Variants in RTN4IP1 observed in about 807,000 individuals in gnomAD.
RTN4IP1 encodes the protein NAD(P)H oxidoreductase RTN4IP1, mitochondrial.
Under a neutral mutation model 46.6 loss-of-function variants are expected in RTN4IP1, and 32 were observed. The ratio of observed to expected loss-of-function variants is 0.69; its 90% CI spans 0.52 to 0.92. The LOEUF (loss-of-function observed/expected upper bound fraction) is 0.92. RTN4IP1 is among the 40% of genes least tolerant of loss of function. RTN4IP1 has a pLI of 0.00. For synonymous variants in RTN4IP1, 167 were observed against 161.8 expected (o/e 1.03, Z -0.24); for missense variants, 424 against 485.8 (o/e 0.87, Z 1.20).
At chr6:106,592,425 T>A (rs1775686269) in intron 5 of RTN4IP1, 125 bp from the exon 6 acceptor site, 3 of 959,580 alleles carry the variant, frequency 3.1e-6, no homozygotes, top group Admixed American at 2.9e-5. Flanking sequence ...GAACTTTAAG[T>A]ACGTCATCTT....
At chr6:106,610,084 C>T (rs919265763) in intron 4 of RTN4IP1, among the ~76,000 whole-genome samples, 6 of 151,542 alleles carry the variant, frequency 4.0e-5, no homozygotes, top group South Asian at 2.1e-4. Context: ...TTTTTTGAGA[C>T]GGAGTCTCAC....
At chr6:106,620,518 C>T (rs72613234) in intron 3 of RTN4IP1, among the ~76,000 whole-genome samples, 11,347 of 152,090 alleles carry the variant, frequency 0.075, 1,069 homozygotes, top group African/African-American at 0.21. Flanking sequence ...GGGGTAGGTG[C>T]ACCAACTCCT....
At chr6:106,594,927 G>A (rs575526518) in intron 5 of RTN4IP1, among the ~76,000 whole-genome samples, 8 of 151,900 alleles carry the variant, frequency 5.3e-5, no homozygotes, top group South Asian at 2.1e-4. Context: ...TCAGCCTCCC[G>A]AGTAGCTGGC....
intron 4 of RTN4IP1, among the ~76,000 whole-genome samples, chr6:106,610,191 A>C (rs1467466501): frequency 6.6e-6 from 1 of 151,862 alleles, no homozygotes; most frequent in Non-Finnish European, 1.5e-5. Context: ...CCTCCTGAGT[A>C]GCTGGGACTA....
intron 4 of RTN4IP1, among the ~76,000 whole-genome samples, chr6:106,605,816 C>CAAAA (rs60568175): frequency 1.8e-3 from 8 of 4,490 alleles, no homozygotes; most frequent in African/African-American, 3.5e-3. Flanking sequence ...GACTCTGTCC[C>CAAAA]AAAAAAAAAA....
intron 8 of RTN4IP1, among the ~76,000 whole-genome samples, chr6:106,573,655 C>T (rs901480004): frequency 2.6e-5 from 4 of 152,294 alleles, no homozygotes; most frequent in African/African-American, 9.6e-5. Flanking sequence ...AATCAAGGAA[C>T]AGAGTTAAAT....
intron 6 of RTN4IP1, among the ~76,000 whole-genome samples, chr6:106,588,764 T>G (rs1476226995): frequency 6.6e-6 from 1 of 152,158 alleles, no homozygotes; most frequent in Non-Finnish European, 1.5e-5. Context: ...TTAAAGTTCC[T>G]AAAACCACTT....
intron 6 of RTN4IP1, among the ~76,000 whole-genome samples, chr6:106,591,843 T>A: frequency 6.6e-6 from 1 of 152,228 alleles, no homozygotes; most frequent in East Asian, 1.9e-4. Context: ...ATTCTTCCTG[T>A]GGTGACAGAT....
intron 1 of RTN4IP1, among the ~76,000 whole-genome samples, chr6:106,624,356 TTTTA>T (rs1325112520): frequency 2.6e-5 from 4 of 151,808 alleles, no homozygotes; most frequent in Admixed American, 1.3e-4. Context: ...ACCCGGCCTA[TTTTA>T]TTTATTTTTT....
chr6:106,628,254 T>C (rs1776704732), intron 1 of RTN4IP1, among the ~76,000 whole-genome samples: 1 of 150,862 alleles, frequency 6.6e-6, no homozygotes, highest in Non-Finnish European at 1.5e-5. Flanking sequence ...TCGCCTGAGG[T>C]CAGGAGTTCG....
At chr6:106,629,701 G>T, upstream of RTN4IP1, 1 of 1,606,392 alleles carries the variant, frequency 6.2e-7, no homozygotes, top group Non-Finnish European at 8.5e-7. Context: ...CGGAGCCTCC[G>T]AGAAGTGAGT....
At chr6:106,577,913 C>T (rs574564760) in intron 8 of RTN4IP1, among the ~76,000 whole-genome samples, 2 of 152,310 alleles carry the variant, frequency 1.3e-5, no homozygotes, top group African/African-American at 2.4e-5. Context: ...CCTGCCCATA[C>T]ATTTGGACTT....
At chr6:106,597,165 G>A (rs1235029790) in intron 5 of RTN4IP1, among the ~76,000 whole-genome samples, 1 of 152,112 alleles carries the variant, frequency 6.6e-6, no homozygotes, top group Non-Finnish European at 1.5e-5. Flanking sequence ...AAAGTGATGT[G>A]TCTATTCAAT....
intron 1 of RTN4IP1, among the ~76,000 whole-genome samples, chr6:106,623,480 C>T (rs567473582): frequency 1.4e-4 from 22 of 152,206 alleles, no homozygotes; most frequent in African/African-American, 5.3e-4. Flanking sequence ...TAGAACAAAC[C>T]CCCATGACAC....
chr6:106,616,073 C>T (rs1437349895), intron 4 of RTN4IP1, among the ~76,000 whole-genome samples: 15 of 152,150 alleles, frequency 9.9e-5, no homozygotes, highest in Admixed American at 8.5e-4. Context: ...TGTGTGCCAA[C>T]ACGTCCAGCT....
intron 1 of RTN4IP1, among the ~76,000 whole-genome samples, chr6:106,626,864 T>C (rs907422124): frequency 7.9e-5 from 12 of 152,220 alleles, no homozygotes; most frequent in African/African-American, 2.9e-4. Context: ...CAAACTTTGT[T>C]GGTATGATGC....
chr6:106,581,203 G>GT (rs1462729316), intron 8 of RTN4IP1, among the ~76,000 whole-genome samples: 4 of 152,120 alleles, frequency 2.6e-5, no homozygotes, highest in Admixed American at 2.6e-4. Context: ...CATCTTTAGG[G>GT]TTTTTGAACC....
At chr6:106,624,985 T>C (rs1776601168) in intron 1 of RTN4IP1, among the ~76,000 whole-genome samples, 1 of 151,006 alleles carries the variant, frequency 6.6e-6, no homozygotes, top group South Asian at 2.1e-4. Context: ...AGAATACTTA[T>C]ATAAATATCA....
At position 106,613,053 on chromosome 6, in the gene RTN4IP1, A is replaced by G. The variant is rs150957509; in HGVS notation, c.620+6149T>C. Among the ~76,000 whole-genome samples, 11 of 152,312 alleles carry G rather than the reference A, an allele frequency of 7.2e-5. 1 individual carries two copies. The highest frequency in any genetic ancestry group is 1.7e-4 in the African/African-American group (7 of 41,568). On this transcript the variant is annotated intron_variant, in intron 4 of 8. Coordinates refer to ENST00000369063, the MANE Select transcript of RTN4IP1 (RefSeq NM_032730.5). ...CGCCGAAACTTTATATGTAACAGAC[A>G]TGTTTTTGTAAAATTTGTAAAAGAT...
Sources: allele counts gnomAD v4.1 joint callset (sites outside exome capture counted in the v4.1 genomes callset), GRCh38; gene constraint gnomAD v4.1.1; transcripts MANE v1.5; gene names NCBI Gene and HGNC (gene_info 2026-07-23, HGNC 2026-07-21).